The following EBF3 variants were observed in gnomAD, a reference collection of about 807,000 sequenced individuals.
EBF3 encodes the protein transcription factor COE3.
A neutral mutation model predicts 77.1 loss-of-function variants in EBF3; 18 were observed. The observed-to-expected ratio is 0.23, with a 90% CI of 0.16 to 0.35. The LOEUF (loss-of-function observed/expected upper bound fraction) is 0.35, where lower values mean the gene tolerates loss of function less well. Ranked by LOEUF, EBF3 falls within the 10% of genes least tolerant of loss-of-function variation. The probability of loss-of-function intolerance (pLI) is 1.00; values close to 1 mark genes in which losing one functional copy is unlikely to be tolerated. For missense variants in EBF3, 558 were observed against 860.0 expected, an observed-to-expected ratio of 0.65 and a Z score of 4.39; for synonymous variants, 350 against 343.5, an observed-to-expected ratio of 1.02 and a Z score of -0.21.
At position 129,964,138 on chromosome 10, in the gene EBF3, G is replaced by T; in HGVS notation, c.-370C>A. 1.0e-6 allele frequency: 1 copy of T among 984,990 alleles called. No homozygotes were observed. Among genetic ancestry groups the T allele is most frequent in the Non-Finnish European group, 1.2e-6 (1 of 829,788 alleles). The allele number at this position is 984,990 out of a possible 1,614,324, so 61.0% of individuals were successfully genotyped here. ...GGATCGCCCGCTTCTGGCGCGGCCC[G>T]CCTGCTCCAAAGACAAATAAACGGG... On this transcript the variant is annotated 5_prime_UTR_variant, in exon 1 of 17. Transcript: ENST00000440978. The surrounding 1 kb of genome is among the most constrained non-coding windows in gnomAD (Gnocchi z 4.5).
At chr10:129,949,661 G>A (rs1408478517) in intron 6 of EBF3, among the ~76,000 whole-genome samples, 1 of 152,116 alleles carries the variant, frequency 6.6e-6, no homozygotes, top group Non-Finnish European at 1.5e-5. Flanking sequence ...ACCCTCGGAT[G>A]GCCCCAGCCC....
intron 6 of EBF3, among the ~76,000 whole-genome samples, chr10:129,929,485 C>T (rs1336719953): frequency 6.6e-6 from 1 of 152,182 alleles, no homozygotes; most frequent in African/African-American, 2.4e-5. Flanking sequence ...GAATTACAGA[C>T]GTGAGCCACC....
At chr10:129,909,461 A>C (rs1170139768) in intron 6 of EBF3, among the ~76,000 whole-genome samples, 1 of 152,204 alleles carries the variant, frequency 6.6e-6, no homozygotes. Flanking sequence ...ACTCCCTCGG[A>C]ACAGCAGCCA....
chr10:129,889,477 C>A (rs991497035), intron 6 of EBF3, among the ~76,000 whole-genome samples: 6 of 152,218 alleles, frequency 3.9e-5, no homozygotes, highest in Admixed American at 6.5e-5. Flanking sequence ...GGCTCTGCTG[C>A]CTGAGCACAG....
chr10:129,945,365 T>G (rs1251917526), intron 6 of EBF3, among the ~76,000 whole-genome samples: 1 of 152,186 alleles, frequency 6.6e-6, no homozygotes, highest in Non-Finnish European at 1.5e-5. Context: ...CCGATTGCGA[T>G]GGTCTAATCC....
At position 129,841,416 on chromosome 10, in the gene EBF3, C is replaced by T. The variant is rs1263982168; in HGVS notation, c.1373-384G>A. Among the ~76,000 whole-genome samples the T allele has an allele frequency of 6.6e-6, 1 of 152,104 alleles. No individual in the cohort carries two copies. The highest frequency in any genetic ancestry group is 6.5e-5 in the Admixed American group (1 of 15,272). On this transcript the variant is annotated intron_variant, in intron 13 of 16. Transcript: ENST00000440978. The surrounding 1 kb of genome is among the most constrained non-coding windows in gnomAD (Gnocchi z 4.6). ...CTGACAAGGAGAGCTTGTTTGTGGCCGTAACTTCCCCTGAAAGGCTGTTTG... is the reference window on the plus strand; with the variant it reads ...CTGACAAGGAGAGCTTGTTTGTGGCTGTAACTTCCCCTGAAAGGCTGTTTG...
chr10:129,841,041 A>AGCCCC lies in EBF3; in HGVS notation c.1373-10_1373-9insGGGGC. 9.3e-7 allele frequency: 1 copy of AGCCCC among 1,076,654 alleles called. No individual in the cohort carries two copies. Among genetic ancestry groups the AGCCCC allele is most frequent in the Non-Finnish European group, 1.3e-6 (1 of 783,020 alleles). 66.7% of individuals were successfully genotyped at this position (1,076,654 alleles called of 1,614,324 possible). On this transcript the variant is annotated splice_polypyrimidine_tract_variant and intron_variant, in intron 13 of 16. Transcript: ENST00000440978. This position sits in a 1 kb window ranked among gnomAD's most constrained non-coding sequence, Gnocchi z 4.6. ...ATTGCGACTGTAGCCGACTGTTGAA[A>AGCCCC]TCCCCCCCCCGGCCAAAAATAACAT... is the stretch of plus-strand genomic sequence containing the variant.
In EBF3 at chr10:129,902,410, G is replaced by A. The variant is rs901926338; in HGVS notation, c.555-24561C>T. Among the ~76,000 whole-genome samples, 8 of 152,012 alleles carry A rather than the reference G, an allele frequency of 5.3e-5. No homozygotes were observed. The South Asian group carries it at 6.3e-4, about 12-fold the overall frequency. On this transcript the variant is annotated intron_variant, in intron 6 of 16. Coordinates refer to ENST00000440978, the MANE Select transcript of EBF3 (RefSeq NM_001375380.1). ...GACCTGGGGTGCTGGGTGCACGGGCGTCTTTCCATTTCCAATCCATGGCCA... is the reference window on the plus strand; with the variant it reads ...GACCTGGGGTGCTGGGTGCACGGGCATCTTTCCATTTCCAATCCATGGCCA...
Position 129,836,333 on chromosome 10 carries a change from A to G in EBF3, c.*1610T>C, listed in dbSNP as rs907395210. 2 of 152,734 alleles carry G rather than the reference A, an allele frequency of 1.3e-5. No homozygotes were observed. Among genetic ancestry groups the G allele is most frequent in the South Asian group, 2.1e-4 (1 of 4,830 alleles). The allele number at this position is 152,734 out of a possible 1,614,324, so 9.5% of individuals were successfully genotyped here. On this transcript the variant is annotated 3_prime_UTR_variant, in exon 17 of 17. Coordinates refer to ENST00000440978, the MANE Select transcript of EBF3 (RefSeq NM_001375380.1). ...GCCTCTGAATTTTTCCAGTAAACACAGTTCAGCTATGTGGCAAAGTCAATG... is the reference window on the plus strand; with the variant it reads ...GCCTCTGAATTTTTCCAGTAAACACGGTTCAGCTATGTGGCAAAGTCAATG...
chr10:129,958,107 T>C (rs967425770), intron 5 of EBF3, among the ~76,000 whole-genome samples: 6 of 152,348 alleles, frequency 3.9e-5, no homozygotes, highest in Admixed American at 6.5e-5. Flanking sequence ...TTCCACTTTA[T>C]TGGTTGTAAT....
chr10:129,951,236 C>A (rs1345749395), intron 6 of EBF3, among the ~76,000 whole-genome samples: 1 of 152,216 alleles, frequency 6.6e-6, no homozygotes, highest in South Asian at 2.1e-4. Flanking sequence ...TGTAAGCATG[C>A]GTAACAGAAC....
At chr10:129,873,653 G>A (rs1017729145) in intron 7 of EBF3, 57 bp from the exon 8 acceptor site, 14 of 1,435,434 alleles carry the variant, frequency 9.8e-6, no homozygotes, top group South Asian at 1.6e-5. Context: ...AGAGCCCCCT[G>A]TTAGGCAAAA....
chr10:129,857,647 C>T (rs1468201355), intron 10 of EBF3, among the ~76,000 whole-genome samples: 1 of 152,214 alleles, frequency 6.6e-6, no homozygotes, highest in Non-Finnish European at 1.5e-5. Context: ...AGTGTGATAG[C>T]AAATGTGGCT....
Position 129,907,167 on chromosome 10 carries a change from G to A in EBF3, c.555-29318C>T, listed in dbSNP as rs142195038. ...GTAGAAGAACAACTGAAATGAATAC[G>A]GATGAAATTTGAAAGTGCAATTTTC... On this transcript the variant is annotated intron_variant, in intron 6 of 16. Transcript: ENST00000440978. Among the ~76,000 whole-genome samples the A allele has an allele frequency of 7.7e-3, 1,179 of 152,326 alleles. 9 individuals carry two copies. The highest frequency in any genetic ancestry group is 0.013 in the Non-Finnish European group (899 of 68,026).
At chr10:129,892,525 CAGAG>C (rs1164787894) in intron 6 of EBF3, among the ~76,000 whole-genome samples, 1 of 152,098 alleles carries the variant, frequency 6.6e-6, no homozygotes, top group Non-Finnish European at 1.5e-5. Context: ...TGTGACGGCT[CAGAG>C]AGTGAGCCGT....
At chr10:129,959,120 G>A (rs1251310873) in intron 4 of EBF3, 113 bp from the exon 5 acceptor site, 2 of 1,307,916 alleles carry the variant, frequency 1.5e-6, no homozygotes, top group East Asian at 2.7e-5. Context: ...CTCGAGGGGA[G>A]GCGATGCGCC....
At chr10:129,926,163 CCATT>C (rs540508874) in intron 6 of EBF3, among the ~76,000 whole-genome samples, 15 of 152,284 alleles carry the variant, frequency 9.9e-5, no homozygotes, top group South Asian at 4.1e-4. Context: ...TGTGTCGCAG[CCATT>C]CATTCATTCA....
At chr10:129,951,355 C>A (rs868385362) in intron 6 of EBF3, among the ~76,000 whole-genome samples, 4 of 152,352 alleles carry the variant, frequency 2.6e-5, no homozygotes, top group East Asian at 1.9e-4. Context: ...GCTGCCGCAG[C>A]GGTGCAGGAT....
chr10:129,961,573 G>C (rs1250355796), intron 4 of EBF3, among the ~76,000 whole-genome samples: 4 of 152,178 alleles, frequency 2.6e-5, no homozygotes, highest in East Asian at 1.9e-4. Flanking sequence ...GGTGGGAGAG[G>C]GGGCAGAGCA....
Sources: gnomAD v4.1 joint callset for allele counts (sites outside exome capture counted in the v4.1 genomes callset) on GRCh38, gnomAD v4.1.1 for gene constraint, Gnocchi (gnomAD v3.1) non-coding constraint, MANE v1.5 for transcripts, NCBI Gene and HGNC (gene_info 2026-07-23, HGNC 2026-07-21) for gene names.